Variants in GSAP observed in about 807,000 individuals in gnomAD.
GSAP encodes gamma-secretase activating protein, also known as gamma-secretase-activating protein.
GSAP carries 118 observed loss-of-function variants against 131.7 expected under a neutral mutation model. The ratio of observed to expected loss-of-function variants is 0.90; its 90% CI spans 0.77 to 1.04. The LOEUF (loss-of-function observed/expected upper bound fraction) is 1.04, where lower values mean the gene tolerates loss of function less well. Among genes scored for constraint, GSAP ranks in the 50% least tolerant of loss-of-function variants. The probability of loss-of-function intolerance (pLI) is 0.00; values close to 1 mark genes in which losing one functional copy is unlikely to be tolerated. For missense variants in GSAP, 1,019 were observed against 1,013.2 expected (o/e 1.01, Z -0.08); for synonymous variants, 381 against 363.4 (o/e 1.05, Z -0.55).
chr7:77,363,861 G>A (rs1584499894), intron 12 of GSAP, among the ~76,000 whole-genome samples: 1 of 152,030 alleles, frequency 6.6e-6, no homozygotes, highest in Non-Finnish European at 1.5e-5. Flanking sequence ...AATTACAGCT[G>A]ACTCATGACT....
intron 12 of GSAP, among the ~76,000 whole-genome samples, chr7:77,372,700 T>A (rs151292111): frequency 6.6e-6 from 1 of 152,232 alleles, no homozygotes; most frequent in African/African-American, 2.4e-5. Flanking sequence ...TTTTGAACTT[T>A]ACAGCGAGCT....
intron 1 of GSAP, 105 bp from the exon 2 acceptor site, chr7:77,406,210 T>C (rs1802242334): frequency 8.4e-6 from 5 of 592,628 alleles, no homozygotes; most frequent in Non-Finnish European, 1.1e-5. Context: ...CTAATAATTC[T>C]ATTATATAAA....
intron 1 of GSAP, chr7:77,415,611 C>A (rs1171757620): frequency 6.6e-6 from 1 of 152,210 alleles, no homozygotes; most frequent in Non-Finnish European, 1.5e-5. Flanking sequence ...GGGCTCTCGC[C>A]CCGCCGCGCG....
chr7:77,377,032 A>G (rs1796999412), intron 9 of GSAP, 125 bp from the exon 10 acceptor site: 2 of 668,746 alleles, frequency 3.0e-6, no homozygotes, highest in Non-Finnish European at 5.1e-6. Context: ...CAGTAATAAT[A>G]ATGTCAAAAT....
chr7:77,335,258 C>T (rs190611831), intron 19 of GSAP, among the ~76,000 whole-genome samples: 166 of 151,656 alleles, frequency 1.1e-3, no homozygotes, highest in African/African-American at 3.8e-3. Context: ...AAAATTAGCC[C>T]GGCATGGTGG....
Position 77,391,125 on chromosome 7 carries a change from CAAAAAAAAAA to C in GSAP, c.368-3687_368-3678del, listed in dbSNP as rs3083869. On this transcript the variant is annotated intron_variant, in intron 5 of 30. Transcript: ENST00000257626. ...GTGGGCAACAGATGAGGCTCCGTCTCAAAAAAAAAAAAAAAAAAAAAAGAAAAAGAAAAAG... is the reference window on the plus strand; with the variant it reads ...GTGGGCAACAGATGAGGCTCCGTCTCAAAAAAAAAAAAGAAAAAGAAAAAG... Among the ~76,000 whole-genome samples, 27 of 65,110 alleles carry C rather than the reference CAAAAAAAAAA, an allele frequency of 4.1e-4. No homozygotes were observed. The South Asian group carries it at 9.9e-3, about 24-fold the overall frequency. 42.7% of individuals were successfully genotyped at this position (65,110 alleles called of 152,430 possible).
intron 3 of GSAP, among the ~76,000 whole-genome samples, chr7:77,404,240 A>G (rs189923542): frequency 6.6e-6 from 1 of 152,324 alleles, no homozygotes. Flanking sequence ...CATGGCTCTA[A>G]AACTAGTTTT....
Position 77,374,088 on chromosome 7 carries a change from C to T in GSAP, c.853G>A (p.Val285Ile). The T allele has an allele frequency of 6.3e-7, 1 of 1,577,138 alleles. No individual in the cohort carries two copies. Among genetic ancestry groups the T allele is most frequent in the Non-Finnish European group, 8.7e-7 (1 of 1,149,538 alleles). The change falls in exon 12 of 31, where the codon GTT becomes ATT. Residue 285 changes from valine (V) to isoleucine (I), a missense_variant. By Grantham distance (29) the Val-to-Ile change is conservative. Coordinates refer to ENST00000257626, the MANE Select transcript of GSAP (RefSeq NM_017439.4). ...DKFSKHLTLC[V>I]FTNHTGSLCV... is the part of the protein sequence containing the mutation. Reference sequence around the variant, plus strand: ...AGTTTACCTGTATGGTTGGTAAAAACACACAGAGTCAGGTGTTTGGAAAAT... The same window carrying T: ...AGTTTACCTGTATGGTTGGTAAAAATACACAGAGTCAGGTGTTTGGAAAAT...
At chr7:77,397,826 A>G (rs745813004) in intron 3 of GSAP, among the ~76,000 whole-genome samples, 1 of 152,196 alleles carries the variant, frequency 6.6e-6, no homozygotes, top group Non-Finnish European at 1.5e-5. Context: ...GATAATCTAC[A>G]TGAAGCACTT....
chr7:77,406,509 C>G (rs1583924394), intron 1 of GSAP, among the ~76,000 whole-genome samples: 1 of 152,284 alleles, frequency 6.6e-6, no homozygotes, highest in East Asian at 1.9e-4. Flanking sequence ...TTGTTATAGC[C>G]TCCTGTAGAT....
At chr7:77,358,149 T>C (rs1163693286) in intron 14 of GSAP, among the ~76,000 whole-genome samples, 1 of 152,152 alleles carries the variant, frequency 6.6e-6, no homozygotes, top group East Asian at 1.9e-4. Context: ...GAGACCAGCC[T>C]GGGCAGCATG....
chr7:77,360,953 C>A, intron 13 of GSAP, 52 bp from the exon 14 acceptor site: 1 of 1,009,916 alleles, frequency 9.9e-7, no homozygotes, highest in Non-Finnish European at 1.6e-6. Context: ...AACTGGAACT[C>A]CACCCAAGGC....
chr7:77,376,983 A>C lies in GSAP; in HGVS notation c.682-76T>G, dbSNP rs191521027. ...GGAAGCAGTCAAGAAGCAAAACTTCACTATTTCCATCAATGAAAATGTAAT... is the reference window on the plus strand; with the variant it reads ...GGAAGCAGTCAAGAAGCAAAACTTCCCTATTTCCATCAATGAAAATGTAAT... On this transcript the variant is annotated intron_variant, in intron 9 of 30. Coordinates refer to ENST00000257626, the MANE Select transcript of GSAP (RefSeq NM_017439.4). 1.8e-3 allele frequency: 1,430 copies of C among 788,858 alleles called. 13 individuals are homozygous for C. Among genetic ancestry groups the C allele is most frequent in the Non-Finnish European group, 2.4e-4 (114 of 475,030 alleles). The allele number at this position is 788,858 out of a possible 1,614,324, so 48.9% of individuals were successfully genotyped here. A position where few individuals can be genotyped will look rare whatever the true frequency, so the allele number is the denominator to read the frequency against.
intron 12 of GSAP, among the ~76,000 whole-genome samples, chr7:77,368,456 G>A (rs1795631798): frequency 6.6e-6 from 1 of 152,154 alleles, no homozygotes; most frequent in South Asian, 2.1e-4. Flanking sequence ...CAGCTCTAGA[G>A]CACTGGTTCT....
Position 77,378,953 on chromosome 7 carries a change from G to A in GSAP, c.577-1563C>T, listed in dbSNP as rs146495052. 1.2e-4 allele frequency among the ~76,000 whole-genome samples: 19 copies of A among 152,252 alleles called. No individual in the cohort carries two copies. In the East Asian group the frequency reaches 3.3e-3, roughly 26 times the overall value. ...GCCTAAACCCTCCCTAATCCTAATA[G>A]GGATTTCTCCACCGATGGTAACTTG... is the stretch of plus-strand genomic sequence containing the variant. On this transcript the variant is annotated intron_variant, in intron 8 of 30. Transcript: ENST00000257626.
At chr7:77,330,654 T>TC (rs34606684) in intron 19 of GSAP, 5 of 1,032,836 alleles carry the variant, frequency 4.8e-6, no homozygotes, top group Non-Finnish European at 4.7e-6. Context: ...CAACAGGACT[T>TC]CCCCAGATTG....
chr7:77,311,474 G>A, intron 30 of GSAP, 25 bp from the exon 31 acceptor site: 1 of 1,239,630 alleles, frequency 8.1e-7, no homozygotes, highest in South Asian at 1.2e-5. Flanking sequence ...GGAGAGGGCA[G>A]GGAAAAAGGG....
intron 22 of GSAP, chr7:77,328,340 T>A (rs1788606185): frequency 8.2e-7 from 1 of 1,218,646 alleles, no homozygotes; most frequent in Non-Finnish European, 1.0e-6. Flanking sequence ...CAGCTCTGTA[T>A]GACAGGAAAT....
At chr7:77,383,602 G>C (rs890775622) in intron 6 of GSAP, among the ~76,000 whole-genome samples, 3 of 152,110 alleles carry the variant, frequency 2.0e-5, no homozygotes, top group Non-Finnish European at 4.4e-5. Context: ...TCCCATATAA[G>C]CCCACCACTA....
Sources: allele counts gnomAD v4.1 joint callset (sites outside exome capture counted in the v4.1 genomes callset), GRCh38; gene constraint gnomAD v4.1.1; transcripts MANE v1.5; gene names NCBI Gene and HGNC (gene_info 2026-07-23, HGNC 2026-07-21).